The following KCNIP4 variants were observed in gnomAD, a reference collection of about 807,000 sequenced individuals.
KCNIP4 encodes the protein potassium voltage-gated channel interacting protein 4, also known as Kv channel-interacting protein 4.
Under a neutral mutation model 34.0 loss-of-function variants are expected in KCNIP4, and 12 were observed. That is an observed-to-expected ratio of 0.35 (90% CI 0.23 to 0.57). The LOEUF is 0.57. KCNIP4 is among the 20% of genes least tolerant of loss of function. The pLI, the probability that KCNIP4 is intolerant of heterozygous loss-of-function variation, is 0.83. For synonymous variants in KCNIP4, 124 were observed against 102.2 expected, an observed-to-expected ratio of 1.21 and a Z score of -1.29; for missense variants, 238 against 311.7, an observed-to-expected ratio of 0.76 and a Z score of 1.78.
chr4:20,834,389 A>G (rs1274214607), intron 3 of KCNIP4, among the ~76,000 whole-genome samples: 1 of 152,220 alleles, frequency 6.6e-6, no homozygotes, highest in African/African-American at 2.4e-5. Context: ...GCCAGACAGC[A>G]GCAACTCTGC....
At chr4:21,281,054 A>G (rs760884554) in intron 1 of KCNIP4, among the ~76,000 whole-genome samples, 1 of 150,258 alleles carries the variant, frequency 6.7e-6, no homozygotes, top group Non-Finnish European at 1.5e-5. Flanking sequence ...AGTTTAAATG[A>G]TCTATTTTTA....
chr4:20,950,127 A>T (rs1157832624), intron 1 of KCNIP4, among the ~76,000 whole-genome samples: 2 of 65,624 alleles, frequency 3.0e-5, no homozygotes, highest in Non-Finnish European at 6.2e-5. Context: ...AATATTTTTT[A>T]AATTAAAAAA....
rs537435614 is a variant in KCNIP4 at position 21,596,059 on chromosome 4, G to A, written c.61+352512C>T. Among the ~76,000 whole-genome samples the A allele has an allele frequency of 5.9e-5, 9 of 152,166 alleles. No individual in the cohort carries two copies. In the Middle Eastern group the frequency reaches 0.01, roughly 173 times the overall value. On this transcript the variant is annotated intron_variant, in intron 1 of 8. Transcript: ENST00000382152. ...AGAAGACACTTAGTTTGTCCTTAGC[G>A]CAACCAACGCCTTGTATCATGGCCC...
intron 1 of KCNIP4, among the ~76,000 whole-genome samples, chr4:21,243,552 A>C (rs1392130025): frequency 6.6e-6 from 1 of 152,174 alleles, no homozygotes; most frequent in African/African-American, 2.4e-5. Flanking sequence ...TGGGGCATGG[A>C]GGTTGACTAG....
chr4:20,758,694 A>C, intron 4 of KCNIP4, 127 bp downstream of exon 4: 1 of 723,628 alleles, frequency 1.4e-6, no homozygotes, highest in Non-Finnish European at 2.4e-6. Flanking sequence ...ATACACTTGC[A>C]TGCTGTGCAT....
At chr4:21,383,135 G>A (rs560045675) in intron 1 of KCNIP4, among the ~76,000 whole-genome samples, 3 of 152,134 alleles carry the variant, frequency 2.0e-5, no homozygotes, top group South Asian at 2.1e-4. Context: ...GCAAGAAGTC[G>A]GCCATCTGCA....
intron 1 of KCNIP4, among the ~76,000 whole-genome samples, chr4:21,815,403 T>G (rs1335050278): frequency 6.6e-6 from 1 of 152,174 alleles, no homozygotes; most frequent in Non-Finnish European, 1.5e-5. Context: ...CATTGTTAGT[T>G]AATATCAATC....
In KCNIP4 at chr4:21,330,650, G is replaced by A. The variant is rs183862281; in HGVS notation, c.62-447941C>T. 2.4e-3 allele frequency among the ~76,000 whole-genome samples: 359 copies of A among 152,108 alleles called. 5 individuals are homozygous for A. The highest frequency in any genetic ancestry group is 8.0e-3 in the African/African-American group (334 of 41,504). ...TAATTGAAACCCTATAGAGCATTCC[G>A]CATGAATGGTTTTCAACAAAAAAGT... On this transcript the variant is annotated intron_variant, in intron 1 of 8. Transcript: ENST00000382152.
intron 1 of KCNIP4, among the ~76,000 whole-genome samples, chr4:21,054,037 A>T (rs1743174197): frequency 6.6e-6 from 1 of 152,184 alleles, no homozygotes; most frequent in African/African-American, 2.4e-5. Context: ...AAATGTAGAT[A>T]TTGACAAAAT....
intron 3 of KCNIP4, among the ~76,000 whole-genome samples, chr4:20,808,625 G>A (rs1384059384): frequency 6.6e-6 from 1 of 152,102 alleles, no homozygotes; most frequent in African/African-American, 2.4e-5. Flanking sequence ...GCTTAAATTG[G>A]GATGCCCAGA....
At chr4:21,366,000 G>C (rs973943334) in intron 1 of KCNIP4, among the ~76,000 whole-genome samples, 3 of 152,158 alleles carry the variant, frequency 2.0e-5, no homozygotes, top group Non-Finnish European at 1.5e-5. Flanking sequence ...TGAACTATGT[G>C]GCCATGGTGA....
intron 1 of KCNIP4, among the ~76,000 whole-genome samples, chr4:21,535,590 C>T (rs914154186): frequency 4.6e-5 from 7 of 152,048 alleles, no homozygotes; most frequent in African/African-American, 1.4e-4. Context: ...ATTTGATTTG[C>T]GGCATTTCAG....
At chr4:21,338,606 C>CA (rs11454380) in intron 1 of KCNIP4, among the ~76,000 whole-genome samples, 15,453 of 139,146 alleles carry the variant, frequency 0.11, 1,169 homozygotes, top group East Asian at 0.27. Context: ...GACTCTGCTT[C>CA]AAAAAAAAAA....
At chr4:21,566,002 C>G (rs1739852328) in intron 1 of KCNIP4, among the ~76,000 whole-genome samples, 1 of 151,758 alleles carries the variant, frequency 6.6e-6, no homozygotes, top group South Asian at 2.1e-4. Flanking sequence ...ATCTGATAAG[C>G]AGGGAAGCAT....
At chr4:21,873,078 T>G (rs1299953320) in intron 1 of KCNIP4, among the ~76,000 whole-genome samples, 2 of 152,232 alleles carry the variant, frequency 1.3e-5, no homozygotes, top group Admixed American at 1.3e-4. Flanking sequence ...CACCATTTTG[T>G]ATGTGCATTT....
chr4:21,708,519 A>T (rs75577749), intron 1 of KCNIP4, among the ~76,000 whole-genome samples: 2,643 of 152,246 alleles, frequency 0.017, 74 homozygotes, highest in African/African-American at 0.052. Context: ...GAGAAGTCAA[A>T]GAACAATCAA....
intron 1 of KCNIP4, among the ~76,000 whole-genome samples, chr4:21,042,535 G>A: frequency 6.6e-6 from 1 of 152,136 alleles, no homozygotes; most frequent in East Asian, 1.9e-4. Context: ...ATATGAAGCA[G>A]AGGGGGAGGG....
chr4:21,566,504 A>G (rs938749737), intron 1 of KCNIP4, among the ~76,000 whole-genome samples: 3 of 152,070 alleles, frequency 2.0e-5, no homozygotes, highest in Admixed American at 1.3e-4. Context: ...CACCCATGTA[A>G]GACATGTCTG....
intron 1 of KCNIP4, among the ~76,000 whole-genome samples, chr4:21,192,946 CTACTACTAA>C (rs1431063910): frequency 1.4e-5 from 2 of 145,040 alleles, no homozygotes; most frequent in East Asian, 2.0e-4. Context: ...ACTACTACTA[CTACTACTAA>C]TAATAATAAT....
Sources: allele counts gnomAD v4.1 joint callset (sites outside exome capture counted in the v4.1 genomes callset), GRCh38; gene constraint gnomAD v4.1.1; transcripts MANE v1.5; gene names NCBI Gene and HGNC (gene_info 2026-07-23, HGNC 2026-07-21).